Variants in DEAF1 observed in about 807,000 individuals in gnomAD.
DEAF1 encodes the protein deformed epidermal autoregulatory factor 1 homolog.
DEAF1 carries 53 observed loss-of-function variants against 58.9 expected under a neutral mutation model. That is an observed-to-expected ratio of 0.90 (90% CI 0.72 to 1.13). The LOEUF (loss-of-function observed/expected upper bound fraction) is 1.13, where lower values mean the gene tolerates loss of function less well. DEAF1 is among the 50% of genes most tolerant of loss of function. The pLI is 0.00. For missense variants in DEAF1, 685 were observed against 791.4 expected (o/e 0.87, Z 1.61); for synonymous variants, 385 against 340.4 (o/e 1.13, Z -1.44).
At chr11:678,568 T>C in intron 9 of DEAF1, 126 bp downstream of exon 9, 2 of 1,382,332 alleles carry the variant, frequency 1.4e-6, no homozygotes, top group South Asian at 1.2e-5. Flanking sequence ...TACCAGCCAC[T>C]GATCTAATGC....
At chr11:661,560 A>T (rs934642877) in intron 10 of DEAF1, among the ~76,000 whole-genome samples, 2 of 152,060 alleles carry the variant, frequency 1.3e-5, no homozygotes, top group Non-Finnish European at 2.9e-5. Flanking sequence ...AAATACAAAA[A>T]TTAGCCAGGC....
Position 674,700 on chromosome 11 carries a change from G to A in DEAF1, c.1339C>T (p.Leu447=). Residue 447 remains leucine (L), a synonymous_variant, in exon 10 of 12, where the codon CTG becomes TTG. Transcript: ENST00000382409. ...TACAGCCAGCTCCGCGGCTCTGACA[G>A]CTCCAGCCCATTGACCAACGCGGGA... is the stretch of plus-strand genomic sequence containing the variant. ...APPALVNGLE[L]SEPRSWLYLE... is the part of the protein sequence containing the mutation. 2 of 1,613,990 alleles carry A rather than the reference G, an allele frequency of 1.2e-6. No individual in the cohort carries two copies. The highest frequency in any genetic ancestry group is 1.6e-4 in the Middle Eastern group (1 of 6,062).
At chr11:698,469 G>A (rs932692735), upstream of DEAF1, among the ~76,000 whole-genome samples, 2 of 152,240 alleles carry the variant, frequency 1.3e-5, no homozygotes, top group African/African-American at 4.8e-5. Flanking sequence ...ACCTAAGTCA[G>A]AAAAGGTTTT....
chr11:678,728 T>C lies in DEAF1; in HGVS notation c.1221A>G (p.Pro407=), dbSNP rs1374222815. ...GATGTGACGTTGGCAACGCAGCTTC[T>C]GGAAACGGTGCGATCTGGCAGCTGT... ...YQDSCQIAPF[P]EAALPTSHPK... Residue 407 remains proline (P), a synonymous_variant, in exon 9 of 12, where the codon CCA becomes CCG. Coordinates refer to ENST00000382409, the MANE Select transcript of DEAF1 (RefSeq NM_021008.4). 1 of 1,614,094 alleles carries C rather than the reference T, an allele frequency of 6.2e-7. No individual in the cohort carries two copies. Among genetic ancestry groups the C allele is most frequent in the Admixed American group, 1.7e-5 (1 of 60,006 alleles).
intron 11 of DEAF1, among the ~76,000 whole-genome samples, chr11:649,711 C>T (rs921946554): frequency 2.7e-5 from 4 of 150,904 alleles, no homozygotes; most frequent in Non-Finnish European, 5.9e-5. Context: ...CAAAGTGATA[C>T]TCTGTCTCAA....
At chr11:659,412 TAAA>T (rs985005047) in intron 10 of DEAF1, among the ~76,000 whole-genome samples, 9 of 151,854 alleles carry the variant, frequency 5.9e-5, no homozygotes, top group Non-Finnish European at 1.3e-4. Flanking sequence ...AAAATAATAA[TAAA>T]AAAGAAAACC....
At chr11:662,960 C>A (rs764801473) in intron 10 of DEAF1, among the ~76,000 whole-genome samples, 29 of 152,224 alleles carry the variant, frequency 1.9e-4, no homozygotes, top group Non-Finnish European at 3.1e-4. Context: ...CCATTCCCAG[C>A]CTCCCTGAGC....
At chr11:674,491 G>A in intron 10 of DEAF1, 45 bp downstream of exon 10, 1 of 1,612,852 alleles carries the variant, frequency 6.2e-7, no homozygotes, top group Non-Finnish European at 8.5e-7. Flanking sequence ...GGTGGCCTGG[G>A]GTTACTCGGC....
rs1362506792 is a variant in DEAF1 at position 683,918 on chromosome 11, T to C, written c.870+980A>G. Among the ~76,000 whole-genome samples the C allele has an allele frequency of 2.0e-5, 3 of 152,292 alleles. No homozygotes were observed. The East Asian group carries it at 5.8e-4, about 29-fold the overall frequency. On this transcript the variant is annotated intron_variant, in intron 6 of 11. Coordinates refer to ENST00000382409, the MANE Select transcript of DEAF1 (RefSeq NM_021008.4). The stretch of plus-strand genomic sequence containing the variant: ...ATCTACCTGCAGGCTCAACTGCCAA[T>C]GGGACCGACGTCTCCTCCCGGCTCC...
At chr11:653,083 CAAAAAAAAAAAAAAA>C (rs71022946) in intron 11 of DEAF1, among the ~76,000 whole-genome samples, 7 of 62,274 alleles carry the variant, frequency 1.1e-4, no homozygotes, top group South Asian at 6.4e-4. Flanking sequence ...GACTCTGTCT[CAAAAAAAAAAAAAAA>C]AAAAAAAAAA....
At chr11:691,380 C>G in intron 2 of DEAF1, 121 bp downstream of exon 2, 2 of 915,864 alleles carry the variant, frequency 2.2e-6, no homozygotes, top group Non-Finnish European at 3.4e-6. Context: ...CAGTGCGTCC[C>G]TCCCCAGCTC....
At chr11:676,029 G>A (rs1347980833) in intron 9 of DEAF1, among the ~76,000 whole-genome samples, 4 of 40,742 alleles carry the variant, frequency 9.8e-5, no homozygotes, top group African/African-American at 4.2e-4. Context: ...CCCAGCACCC[G>A]ACACCCCCCA....
chr11:647,601 G>A (rs1025068810), intron 11 of DEAF1, among the ~76,000 whole-genome samples: 7 of 152,118 alleles, frequency 4.6e-5, no homozygotes, highest in Non-Finnish European at 7.3e-5. Flanking sequence ...ATAATGATGC[G>A]TGGGGCTTGC....
In DEAF1 at chr11:668,118, A is replaced by T. The variant is rs373032065; in HGVS notation, c.1503+6418T>A. 7.0e-4 allele frequency among the ~76,000 whole-genome samples: 106 copies of T among 152,284 alleles called. 3 individuals are homozygous for T. In the South Asian group the frequency reaches 0.022, roughly 31 times the overall value. On this transcript the variant is annotated intron_variant, in intron 10 of 11. Coordinates refer to ENST00000382409, the MANE Select transcript of DEAF1 (RefSeq NM_021008.4). Reference sequence around the variant, plus strand: ...CAAGAGCGAGACTCTGTCTCAAAAAAATATATATATGTAAGTGACAACCCA... The same window carrying T: ...CAAGAGCGAGACTCTGTCTCAAAAATATATATATATGTAAGTGACAACCCA...
chr11:657,083 C>T (rs773481311), intron 10 of DEAF1, among the ~76,000 whole-genome samples: 3 of 152,116 alleles, frequency 2.0e-5, no homozygotes, highest in African/African-American at 4.8e-5. Flanking sequence ...AGGGCCTCCA[C>T]GTGACAACAT....
At chr11:700,121 G>T, upstream of DEAF1, 2 of 1,611,008 alleles carry the variant, frequency 1.2e-6, no homozygotes, top group Non-Finnish European at 1.7e-6. Flanking sequence ...TTGAGCTTGA[G>T]GATCCTTAAC....
upstream of DEAF1, chr11:698,024 T>G (rs2133454335): frequency 6.6e-6 from 1 of 152,404 alleles, no homozygotes; most frequent in Admixed American, 6.5e-5. Flanking sequence ...GAACAGAGGC[T>G]GTGTTCAGGT....
At chr11:703,063 G>C in intron 1 of DEAF1, 1 of 1,612,708 alleles carries the variant, frequency 6.2e-7, no homozygotes, top group Non-Finnish European at 8.5e-7. Flanking sequence ...TGTTGTGGGC[G>C]GACTGGGCCC....
At chr11:669,163 C>A (rs1287728442) in intron 10 of DEAF1, among the ~76,000 whole-genome samples, 2 of 132,786 alleles carry the variant, frequency 1.5e-5, no homozygotes, top group African/African-American at 2.9e-5. Flanking sequence ...CAGGGTCTCA[C>A]AATGTCCAGG....
Sources: allele counts gnomAD v4.1 joint callset (sites outside exome capture counted in the v4.1 genomes callset), GRCh38; gene constraint gnomAD v4.1.1; transcripts MANE v1.5; gene names NCBI Gene and HGNC (gene_info 2026-07-23, HGNC 2026-07-21).